RFFL: variants seen among roughly 807,000 people sequenced by gnomAD.
The protein encoded by RFFL is E3 ubiquitin-protein ligase rififylin.
A neutral mutation model predicts 40.4 loss-of-function variants in RFFL; 16 were observed. That is an observed-to-expected ratio of 0.40 (90% confidence interval 0.27 to 0.60). RFFL has a LOEUF of 0.60. Ranked by LOEUF, RFFL falls within the 20% of genes least tolerant of loss-of-function variation. The pLI, the probability that RFFL is intolerant of heterozygous loss-of-function variation, is 0.47. For missense variants in RFFL, 367 were observed against 451.7 expected (o/e 0.81, Z 1.70); for synonymous variants, 154 against 167.9 (o/e 0.92, Z 0.64).
At chr17:35,067,045 A>T (rs1460384399), upstream of RFFL, among the ~76,000 whole-genome samples, 3 of 152,162 alleles carry the variant, frequency 2.0e-5, no homozygotes, top group African/African-American at 7.2e-5. Flanking sequence ...CTTATTGAAA[A>T]TGAACATTTC....
At chr17:35,062,189 G>A (rs988199474) in intron 1 of RFFL, among the ~76,000 whole-genome samples, 10 of 152,132 alleles carry the variant, frequency 6.6e-5, no homozygotes, top group African/African-American at 2.2e-4. Context: ...TGGACCATGA[G>A]GTCAAGAGAT....
At chr17:35,016,012 T>C (rs1567700175) in intron 5 of RFFL, among the ~76,000 whole-genome samples, 1 of 152,196 alleles carries the variant, frequency 6.6e-6, no homozygotes, top group Non-Finnish European at 1.5e-5. Flanking sequence ...AGCATTCTTA[T>C]TCTAAGGTAA....
chr17:35,029,818 T>C (rs1224872982), intron 1 of RFFL, among the ~76,000 whole-genome samples: 1 of 150,610 alleles, frequency 6.6e-6, no homozygotes, highest in Non-Finnish European at 1.5e-5. Flanking sequence ...ATTAGGTATA[T>C]CTCCTAATGC....
At chr17:35,014,694 G>C in intron 6 of RFFL, 46 bp downstream of exon 6, 1 of 1,574,830 alleles carries the variant, frequency 6.3e-7, no homozygotes. Context: ...AGGAGGGGAA[G>C]GACAAAAGGG....
At chr17:35,023,062 C>T (rs1034141537) in intron 2 of RFFL, among the ~76,000 whole-genome samples, 50 of 152,210 alleles carry the variant, frequency 3.3e-4, no homozygotes, top group Non-Finnish European at 5.9e-5. Context: ...TGTCACATCC[C>T]CAACAAGAGA....
At chr17:35,052,716 C>A (rs1191830205) in intron 1 of RFFL, among the ~76,000 whole-genome samples, 1 of 152,166 alleles carries the variant, frequency 6.6e-6, no homozygotes, top group Non-Finnish European at 1.5e-5. Flanking sequence ...GTGCAGGGAA[C>A]TGAACTAGAT....
At chr17:35,038,858 TTATAA>T (rs2091143557) in intron 1 of RFFL, among the ~76,000 whole-genome samples, 1 of 152,234 alleles carries the variant, frequency 6.6e-6, no homozygotes, top group African/African-American at 2.4e-5. Flanking sequence ...AACTGTACAC[TTATAA>T]TTTATATACT....
At chr17:35,015,535 CT>C (rs1176608752) in intron 5 of RFFL, among the ~76,000 whole-genome samples, 1 of 152,140 alleles carries the variant, frequency 6.6e-6, no homozygotes, top group Non-Finnish European at 1.5e-5. Context: ...AGGCCTCAGT[CT>C]GTAATCGGGT....
chr17:35,019,041 A>T (rs2090991974), intron 3 of RFFL: 1 of 152,244 alleles, frequency 6.6e-6, no homozygotes, highest in Non-Finnish European at 1.5e-5. Context: ...CCTAGCAACT[A>T]TTGATTGCTA....
chr17:35,072,816 G>C (rs548016314), intron 1 of RFFL, among the ~76,000 whole-genome samples: 3 of 152,164 alleles, frequency 2.0e-5, no homozygotes, highest in East Asian at 1.9e-4. Context: ...GGCCGAGGCA[G>C]GTGGATCACC....
chr17:35,083,789 A>G (rs1294835081), intron 1 of RFFL, among the ~76,000 whole-genome samples: 5 of 151,938 alleles, frequency 3.3e-5, no homozygotes, highest in African/African-American at 1.2e-4. Flanking sequence ...TCAAAAAAAA[A>G]AAAAAGAAAG....
intron 2 of RFFL, among the ~76,000 whole-genome samples, chr17:35,022,529 A>T (rs2091015607): frequency 6.6e-6 from 1 of 152,218 alleles, no homozygotes; most frequent in African/African-American, 2.4e-5. Flanking sequence ...AGGCTTAGGG[A>T]GATCAACTGT....
At position 35,021,504 on chromosome 17, in the gene RFFL, G is replaced by A; in HGVS notation, c.458C>T (p.Pro153Leu). 6.2e-7 allele frequency: 1 copy of A among 1,602,976 alleles called. No homozygotes were observed. The highest frequency in any genetic ancestry group is 1.3e-5 in the African/African-American group (1 of 74,756). ...GAAGGCCTGCTGCTCAGGAAAGTCT[G>A]GGGACAAGGTGGAGGCACGAGTCCT... ...EDRTRASTLS[P>L]DFPEQQAFLT... Residue 153 changes from proline (P) to leucine (L), a missense_variant, in exon 3 of 7, where the codon CCA (proline) becomes CTA (leucine). Physicochemically the swap from Pro to Leu is moderately conservative, Grantham distance 98. Transcript: ENST00000394597.
rs1480868627 is a variant in RFFL, at chr17:35,009,398, TAATC to T, written c.*2566_*2569del. ...ACAAGTCTTAACTGAAATCTCAGAG[TAATC>T]AGCAAAAGCTACGGAATAATTCTAA... On this transcript the variant is annotated 3_prime_UTR_variant, in exon 7 of 7. Transcript: ENST00000394597. The T allele has an allele frequency of 6.6e-6, 1 of 152,114 alleles. No homozygotes were observed. Among genetic ancestry groups the T allele is most frequent in the African/African-American group, 2.4e-5 (1 of 41,404 alleles). The allele number at this position is 152,114 out of a possible 1,614,324, so 9.4% of individuals were successfully genotyped here.
rs931995810 is a variant in RFFL at position 35,014,824 on chromosome 17, T to C, written c.887-61A>G. 45 of 1,500,018 alleles carry C rather than the reference T, an allele frequency of 3.0e-5. No homozygotes were observed. In the Middle Eastern group the frequency reaches 1.0e-3, roughly 34 times the overall value. 92.9% of individuals were successfully genotyped at this position (1,500,018 alleles called of 1,614,324 possible). A position where few individuals can be genotyped will look rare whatever the true frequency, so the allele number is the denominator to read the frequency against. ...GGCATGATGGTACAAATACAGTCTC[T>C]TACTGCCCTGACATCATTTCTGAAC... On this transcript the variant is annotated intron_variant, in intron 5 of 6. Coordinates refer to ENST00000394597, the MANE Select transcript of RFFL (RefSeq NM_001017368.2).
chr17:35,053,942 A>G (rs1471299767), intron 1 of RFFL, among the ~76,000 whole-genome samples: 2 of 152,226 alleles, frequency 1.3e-5, no homozygotes, highest in Non-Finnish European at 2.9e-5. Context: ...AAGTCTGAAT[A>G]CAATCCTGTC....
intron 1 of RFFL, among the ~76,000 whole-genome samples, chr17:35,078,238 G>A (rs974511731): frequency 1.3e-5 from 2 of 151,702 alleles, no homozygotes; most frequent in Non-Finnish European, 2.9e-5. Flanking sequence ...CCTTACTAAA[G>A]ACTTCAGGAA....
intron 1 of RFFL, among the ~76,000 whole-genome samples, chr17:35,048,738 C>T (rs551890494): frequency 7.9e-5 from 12 of 152,256 alleles, no homozygotes; most frequent in African/African-American, 2.4e-4. Flanking sequence ...CGTATGCCTC[C>T]GGCCTCCACC....
In RFFL at chr17:35,026,395, G is replaced by C. The variant is rs1324789161; in HGVS notation, c.159C>G (p.His53Gln). 1.2e-6 allele frequency: 2 copies of C among 1,614,004 alleles called. No homozygotes were observed. The highest frequency in any genetic ancestry group is 8.5e-7 in the Non-Finnish European group (1 of 1,179,938). ...LEPSCKSCGA[H>Q]FANTARKQTC... ...TCACCTTCCTGGCCGTGTTTGCAAA[G>C]TGAGCCCCACAGGACTTGCAGCTTG... The change falls in exon 2 of 7, where the codon CAC (histidine) becomes CAG (glutamine). Residue 53 changes from histidine (H) to glutamine (Q), a missense_variant. By Grantham distance (24) the His-to-Gln change is conservative. Coordinates refer to ENST00000394597, the MANE Select transcript of RFFL (RefSeq NM_001017368.2).
Sources: gnomAD v4.1 joint callset for allele counts (sites outside exome capture counted in the v4.1 genomes callset) on GRCh38, gnomAD v4.1.1 for gene constraint, MANE v1.5 for transcripts, NCBI Gene and HGNC (gene_info 2026-07-23, HGNC 2026-07-21) for gene names.